LSAMP: variants seen among roughly 807,000 people sequenced by gnomAD.
LSAMP encodes limbic system associated membrane protein, also known as limbic system-associated membrane protein.
In LSAMP, 7 loss-of-function variants were observed where a neutral mutation model predicts 38.6. The observed-to-expected ratio is 0.18, with a 90% CI of 0.10 to 0.34. LSAMP has a LOEUF of 0.34. LSAMP is among the 10% of genes least tolerant of loss of function. The pLI is 1.00. For missense variants in LSAMP, 313 were observed against 420.0 expected (o/e 0.75, Z 2.23); for synonymous variants, 154 against 166.8 (o/e 0.92, Z 0.59).
intron 6 of LSAMP, among the ~76,000 whole-genome samples, chr3:115,833,112 T>C (rs1289962425): frequency 1.3e-5 from 2 of 152,174 alleles, no homozygotes; most frequent in Non-Finnish European, 2.9e-5. Flanking sequence ...TATCCAATGG[T>C]ACAAATGCGT....
chr3:115,941,462 T>A (rs4476498), intron 3 of LSAMP, among the ~76,000 whole-genome samples: 107,296 of 151,928 alleles, frequency 0.71, 39,344 homozygotes, highest in South Asian at 0.82. Flanking sequence ...CCTTGAAAAG[T>A]TATCTGTACC....
intron 1 of LSAMP, among the ~76,000 whole-genome samples, chr3:116,330,010 C>A (rs534091312): frequency 7.8e-4 from 119 of 152,166 alleles, no homozygotes; most frequent in Non-Finnish European, 1.5e-3. Flanking sequence ...CATCACTCCT[C>A]CAATAACTTT....
rs77758028 is a variant in LSAMP at position 115,951,837 on chromosome 3, A to G, written c.514+67678T>C. On this transcript the variant is annotated intron_variant, in intron 3 of 6. Transcript: ENST00000490035. ...CTGATTGTGTGAGTCAATACTCCTT[A>G]ATAAAGTCATATATATATATATATC... Among the ~76,000 whole-genome samples, 131 of 150,548 alleles carry G rather than the reference A, an allele frequency of 8.7e-4. 1 individual carries two copies. In the East Asian group the frequency reaches 0.022, roughly 25 times the overall value.
chr3:116,086,682 G>A, intron 1 of LSAMP, 126 bp from the exon 2 acceptor site: 2 of 721,130 alleles, frequency 2.8e-6, no homozygotes, highest in Non-Finnish European at 2.4e-6. Flanking sequence ...TTATTGCCAT[G>A]CCATTCTTGG....
At chr3:115,833,166 T>A (rs1934671500) in intron 6 of LSAMP, among the ~76,000 whole-genome samples, 2 of 152,084 alleles carry the variant, frequency 1.3e-5, no homozygotes, top group African/African-American at 4.8e-5. Context: ...GAGGGCAACA[T>A]GATAAAGTGA....
At chr3:116,088,104 G>T (rs2107425038) in intron 1 of LSAMP, among the ~76,000 whole-genome samples, 1 of 151,978 alleles carries the variant, frequency 6.6e-6, no homozygotes, top group East Asian at 1.9e-4. Flanking sequence ...TGTTGTCCAG[G>T]CTAGCCTCAA....
rs931601205 is a variant in LSAMP, at chr3:116,014,945, G to A, written c.514+4570C>T. Among the ~76,000 whole-genome samples, 7 of 152,178 alleles carry A rather than the reference G, an allele frequency of 4.6e-5. No homozygotes were observed. The South Asian group carries it at 6.2e-4, about 14-fold the overall frequency. On this transcript the variant is annotated intron_variant, in intron 3 of 6. Coordinates refer to ENST00000490035, the MANE Select transcript of LSAMP (RefSeq NM_002338.5). ...GTAATAGCATTAATAGAATTAAAAA[G>A]TACCATCAGTGAAGGGTTCAGACTT...
At chr3:116,328,079 A>G (rs1417680334) in intron 1 of LSAMP, among the ~76,000 whole-genome samples, 4 of 152,088 alleles carry the variant, frequency 2.6e-5, no homozygotes, top group African/African-American at 9.7e-5. Flanking sequence ...TGAGCCCCGA[A>G]GTGTTTAGGC....
intron 1 of LSAMP, among the ~76,000 whole-genome samples, chr3:116,088,920 T>G (rs2107426748): frequency 6.6e-6 from 1 of 152,312 alleles, no homozygotes; most frequent in African/African-American, 2.4e-5. Flanking sequence ...GTGAACTAAC[T>G]GGGTCACACA....
intron 1 of LSAMP, among the ~76,000 whole-genome samples, chr3:116,366,055 A>T (rs1452226709): frequency 6.8e-6 from 1 of 146,334 alleles, no homozygotes; most frequent in Non-Finnish European, 1.5e-5. Context: ...TCTGCACAGC[A>T]AAAGAAACTA....
At chr3:116,006,788 A>C (rs141393971) in intron 3 of LSAMP, among the ~76,000 whole-genome samples, 2 of 152,310 alleles carry the variant, frequency 1.3e-5, no homozygotes, top group African/African-American at 4.8e-5. Context: ...TCCGAGGTGA[A>C]ATTCTTGAAT....
intron 1 of LSAMP, among the ~76,000 whole-genome samples, chr3:116,378,291 C>T (rs1478180226): frequency 6.6e-6 from 1 of 151,970 alleles, no homozygotes; most frequent in East Asian, 1.9e-4. Flanking sequence ...GGGATCATCT[C>T]AGTCTGGTTT....
At chr3:116,394,051 C>A (rs757780169) in intron 1 of LSAMP, among the ~76,000 whole-genome samples, 2 of 152,172 alleles carry the variant, frequency 1.3e-5, no homozygotes, top group Non-Finnish European at 2.9e-5. Flanking sequence ...GTGTTTTGTC[C>A]ATATATCTAA....
intron 1 of LSAMP, among the ~76,000 whole-genome samples, chr3:116,155,653 GTGTC>G (rs930834649): frequency 3.9e-5 from 6 of 151,982 alleles, no homozygotes; most frequent in African/African-American, 1.4e-4. Context: ...GTGTGTGTGT[GTGTC>G]TGTGTCTGTA....
At chr3:116,249,414 C>A (rs944825764) in intron 1 of LSAMP, among the ~76,000 whole-genome samples, 4 of 150,404 alleles carry the variant, frequency 2.7e-5, no homozygotes, top group African/African-American at 9.8e-5. Context: ...AGATGGGAGT[C>A]TCACTCTGTC....
chr3:116,075,114 A>T (rs1034433298), intron 2 of LSAMP, among the ~76,000 whole-genome samples: 1 of 148,848 alleles, frequency 6.7e-6, no homozygotes, highest in Non-Finnish European at 1.5e-5. Flanking sequence ...CTGGGATTAC[A>T]GGTATGAGTC....
At chr3:115,812,760 T>C (rs1337880843) in intron 6 of LSAMP, among the ~76,000 whole-genome samples, 1 of 152,162 alleles carries the variant, frequency 6.6e-6, no homozygotes, top group Admixed American at 6.5e-5. Context: ...TCAGAAAGGG[T>C]CCAATTCTGC....
chr3:116,439,775 C>A (rs192859380), intron 1 of LSAMP, among the ~76,000 whole-genome samples: 34 of 152,252 alleles, frequency 2.2e-4, no homozygotes, highest in African/African-American at 6.0e-4. Flanking sequence ...CAGGCTGGAG[C>A]GCAGTGGCGC....
At chr3:116,282,440 C>A (rs1486981415) in intron 1 of LSAMP, among the ~76,000 whole-genome samples, 5 of 152,090 alleles carry the variant, frequency 3.3e-5, no homozygotes, top group South Asian at 2.1e-4. Flanking sequence ...TTGTAACATT[C>A]TTTTTTTCTT....
Sources: allele counts gnomAD v4.1 joint callset (sites outside exome capture counted in the v4.1 genomes callset), GRCh38; gene constraint gnomAD v4.1.1; transcripts MANE v1.5; gene names NCBI Gene and HGNC (gene_info 2026-07-23, HGNC 2026-07-21).